MYH14: variants seen among roughly 807,000 people sequenced by gnomAD.
The protein encoded by MYH14 is myosin heavy chain 14, also known as myosin-14.
In MYH14, 123 loss-of-function variants were observed where a neutral mutation model predicts 255.5. The observed-to-expected ratio is 0.48, with a 90% CI of 0.42 to 0.56. The LOEUF (loss-of-function observed/expected upper bound fraction) is 0.56, where lower values mean the gene tolerates loss of function less well. Among genes scored for constraint, MYH14 ranks in the 20% least tolerant of loss-of-function variants. The pLI is 0.00. For synonymous variants in MYH14, 1,095 were observed against 1,161.2 expected (o/e 0.94, Z 1.16); for missense variants, 2,423 against 2,802.3 (o/e 0.86, Z 3.06).
intron 33 of MYH14, among the ~76,000 whole-genome samples, chr19:50,282,219 A>G (rs1304395876): frequency 6.6e-6 from 1 of 152,214 alleles, no homozygotes; most frequent in Non-Finnish European, 1.5e-5. Context: ...TCTCAGCTTC[A>G]GTTCGCCCAT....
chr19:50,207,315 C>T (rs1400580790), intron 1 of MYH14, among the ~76,000 whole-genome samples: 1 of 28,860 alleles, frequency 3.5e-5, no homozygotes, highest in Non-Finnish European at 8.6e-5. Context: ...GAGAGAGAGA[C>T]TAGGGGCAGA....
intron 34 of MYH14, among the ~76,000 whole-genome samples, chr19:50,288,853 G>A (rs577853491): frequency 3.7e-4 from 57 of 152,286 alleles, no homozygotes; most frequent in Admixed American, 1.1e-3. Context: ...TGACAGTTAA[G>A]TAAGGAGAGG....
intron 1 of MYH14, among the ~76,000 whole-genome samples, chr19:50,206,685 G>A (rs1456111224): frequency 1.3e-5 from 2 of 152,144 alleles, no homozygotes; most frequent in East Asian, 1.9e-4. Context: ...TGGGATTCCC[G>A]TGGGAGAGGC....
intron 17 of MYH14, among the ~76,000 whole-genome samples, chr19:50,256,733 G>A (rs1345235641): frequency 2.0e-5 from 3 of 152,180 alleles, no homozygotes; most frequent in African/African-American, 7.2e-5. Flanking sequence ...AATAGAGACA[G>A]TTTGCCCTAT....
chr19:50,287,516 A>G (rs2035931629), intron 34 of MYH14, among the ~76,000 whole-genome samples: 1 of 152,128 alleles, frequency 6.6e-6, no homozygotes, highest in Admixed American at 6.6e-5. Flanking sequence ...AGGCTCAAGC[A>G]GTCCTCCTGC....
At chr19:50,224,488 G>A (rs554312811) in intron 6 of MYH14, among the ~76,000 whole-genome samples, 13 of 152,322 alleles carry the variant, frequency 8.5e-5, no homozygotes, top group African/African-American at 1.7e-4. Context: ...GGAAATACAC[G>A]CATGTCCCAT....
intron 17 of MYH14, 56 bp downstream of exon 17, chr19:50,255,374 G>T (rs978441539): frequency 7.4e-7 from 1 of 1,358,296 alleles, no homozygotes. Flanking sequence ...GGGTGGACCT[G>T]TTGGGCTGGG....
intron 30 of MYH14, among the ~76,000 whole-genome samples, chr19:50,279,687 C>T (rs2035639949): frequency 1.3e-5 from 2 of 152,210 alleles, no homozygotes; most frequent in South Asian, 4.1e-4. Context: ...CTTTCTATTG[C>T]CGAATAATGC....
At chr19:50,247,987 G>A (rs1185889706) in intron 12 of MYH14, among the ~76,000 whole-genome samples, 1 of 150,580 alleles carries the variant, frequency 6.6e-6, no homozygotes, top group East Asian at 2.0e-4. Flanking sequence ...TTGAACCTAG[G>A]AGGCAGAGGT....
rs2036112824 is a variant in MYH14 at position 50,292,459 on chromosome 19, T to C, written c.5256+70T>C. The C allele has an allele frequency of 3.1e-6, 4 of 1,286,944 alleles. No homozygotes were observed. The Admixed American group carries it at 1.4e-4, about 44-fold the overall frequency. 79.7% of individuals were successfully genotyped at this position (1,286,944 alleles called of 1,614,324 possible). The stretch of plus-strand genomic sequence containing the variant: ...TGGGCAAGGCTAACCTTGAGGTCCC[T>C]GGATGTGAAGCTGGGGAGGTGGGCG... On this transcript the variant is annotated intron_variant, in intron 37 of 42. Coordinates refer to ENST00000642316, the MANE Select transcript of MYH14 (RefSeq NM_001145809.2).
chr19:50,236,040 A>AAG (rs2033643116), intron 10 of MYH14, among the ~76,000 whole-genome samples: 1 of 151,614 alleles, frequency 6.6e-6, no homozygotes, highest in South Asian at 2.1e-4. Flanking sequence ...CAATTAAAAA[A>AAG]AAAAATGCTA....
intron 34 of MYH14, among the ~76,000 whole-genome samples, chr19:50,287,107 G>A (rs2035916596): frequency 6.6e-6 from 1 of 151,878 alleles, no homozygotes; most frequent in Non-Finnish European, 1.5e-5. Flanking sequence ...GACAGAGCGA[G>A]ACTGTCTCAA....
intron 19 of MYH14, 71 bp downstream of exon 19, chr19:50,259,336 T>G (rs2034734467): frequency 1.3e-6 from 2 of 1,531,462 alleles, no homozygotes; most frequent in South Asian, 1.2e-5. Context: ...CCGACACACC[T>G]GCATTCAGGT....
At chr19:50,260,389 C>T (rs1447556311) in intron 19 of MYH14, among the ~76,000 whole-genome samples, 1 of 152,194 alleles carries the variant, frequency 6.6e-6, no homozygotes, top group African/African-American at 2.4e-5. Context: ...CTGACCACTG[C>T]ACTCCAGCCT....
chr19:50,225,787 TG>T, intron 7 of MYH14, 110 bp downstream of exon 7: 1 of 314,370 alleles, frequency 3.2e-6, no homozygotes, highest in Non-Finnish European at 5.3e-6. Flanking sequence ...GAGGAGGGGC[TG>T]GGGGTCTGGA....
rs2035305018 is a variant in MYH14, at chr19:50,271,608, G to A, written c.3171+62G>A. 1.9e-6 allele frequency: 3 copies of A among 1,566,460 alleles called. No individual in the cohort carries two copies. In the African/African-American group the frequency reaches 4.1e-5, roughly 21 times the overall value. On this transcript the variant is annotated intron_variant, in intron 25 of 42. Coordinates refer to ENST00000642316, the MANE Select transcript of MYH14 (RefSeq NM_001145809.2). ...GGGTGCATTGGTGGGTTAATGAATG[G>A]TGAACTTCACGCCATGGGGGTTACC...
At position 50,310,052 on chromosome 19, in the gene MYH14, G is replaced by A. The variant is rs2036806592; in HGVS notation, c.*262G>A. The stretch of plus-strand genomic sequence containing the variant: ...TTGGGGGACTGGGTACAGTTGGCAA[G>A]CTGTGTTTCCATCAGCTCCCTGTCC... On this transcript the variant is annotated 3_prime_UTR_variant, in exon 43 of 43. Transcript: ENST00000642316. 1 of 577,828 alleles carries A rather than the reference G, an allele frequency of 1.7e-6. No individual in the cohort carries two copies. Among genetic ancestry groups the A allele is most frequent in the African/African-American group, 1.9e-5 (1 of 53,000 alleles). The allele number at this position is 577,828 out of a possible 1,614,324, so 35.8% of individuals were successfully genotyped here. A position where few individuals can be genotyped will look rare whatever the true frequency, so the allele number is the denominator to read the frequency against.
intron 10 of MYH14, among the ~76,000 whole-genome samples, chr19:50,240,387 T>G (rs1046400893): frequency 3.4e-4 from 52 of 152,074 alleles, no homozygotes; most frequent in African/African-American, 1.2e-3. Context: ...GAGACCAACT[T>G]GGGCAACATG....
At chr19:50,216,300 C>T (rs755945661) in intron 2 of MYH14, among the ~76,000 whole-genome samples, 1 of 151,886 alleles carries the variant, frequency 6.6e-6, no homozygotes, top group African/African-American at 2.4e-5. Flanking sequence ...CATAGAGAGA[C>T]CCTGTGTCTA....
Sources: gnomAD v4.1 joint callset for allele counts (sites outside exome capture counted in the v4.1 genomes callset) on GRCh38, gnomAD v4.1.1 for gene constraint, MANE v1.5 for transcripts, NCBI Gene and HGNC (gene_info 2026-07-23, HGNC 2026-07-21) for gene names.